Variants in UAP1 observed in about 807,000 individuals in gnomAD.
The protein encoded by UAP1 is UDP-N-acetylglucosamine pyrophosphorylase 1.
A neutral mutation model predicts 58.5 loss-of-function variants in UAP1; 25 were observed. That is an observed-to-expected ratio of 0.43 (90% CI 0.31 to 0.60). The LOEUF (loss-of-function observed/expected upper bound fraction) is 0.60, where lower values mean the gene tolerates loss of function less well. Among genes scored for constraint, UAP1 ranks in the 20% least tolerant of loss-of-function variants. UAP1 has a pLI of 0.11. For missense variants in UAP1, 575 were observed against 630.0 expected (o/e 0.91, Z 0.93); for synonymous variants, 208 against 213.0 (o/e 0.98, Z 0.21).
chr1:162,586,990 T>G (rs895649650), intron 5 of UAP1, among the ~76,000 whole-genome samples: 8 of 152,030 alleles, frequency 5.3e-5, no homozygotes, highest in Admixed American at 1.3e-4. Flanking sequence ...AATGCCAAAA[T>G]TAAAGAAATG....
chr1:162,575,100 G>T (rs1046128728), intron 2 of UAP1, among the ~76,000 whole-genome samples: 4 of 152,064 alleles, frequency 2.6e-5, no homozygotes, highest in South Asian at 4.1e-4. Flanking sequence ...ACAGAGTCCC[G>T]CTGTGTTGCC....
chr1:162,577,024 G>A, intron 3 of UAP1, 43 bp downstream of exon 3: 4 of 1,570,118 alleles, frequency 2.5e-6, no homozygotes, highest in Non-Finnish European at 3.5e-6. Flanking sequence ...AACATATATT[G>A]TTTTATAATA....
rs143190937 is a variant in UAP1 at position 162,575,349 on chromosome 1, G to A, written c.281-1428G>A. Among the ~76,000 whole-genome samples, 433 of 152,262 alleles carry A rather than the reference G, an allele frequency of 2.8e-3. 3 individuals carry two copies. Among genetic ancestry groups the A allele is most frequent in the African/African-American group, 9.8e-3 (408 of 41,548 alleles). On this transcript the variant is annotated intron_variant, in intron 2 of 10. Transcript: ENST00000271469. ...CTTCCAAAGTGCTGGGATTACAGGC[G>A]TGAGCCACTGTGCCCAGCCTACAAA...
chr1:162,596,476 C>T (rs1280313235), intron 9 of UAP1, among the ~76,000 whole-genome samples: 1 of 152,150 alleles, frequency 6.6e-6, no homozygotes, highest in African/African-American at 2.4e-5. Context: ...CACCCAGCCA[C>T]ATTTATTTTT....
At chr1:162,596,279 G>T (rs921387221) in intron 9 of UAP1, among the ~76,000 whole-genome samples, 3 of 151,946 alleles carry the variant, frequency 2.0e-5, no homozygotes, top group African/African-American at 7.3e-5. Context: ...GGGTTCTAGC[G>T]ATTCTCCTGC....
chr1:162,590,570 T>TTC lies in UAP1; in HGVS notation c.1358+79_1358+80dup, dbSNP rs113405147. On this transcript the variant is annotated intron_variant, in intron 8 of 10. Coordinates refer to ENST00000271469, the Ensembl canonical transcript of UAP1. ...CTTTCTTGGACTTTTCCTCTTGGAC[T>TTC]TCTCTCTCTCTCTCTCTCTCTGTAT... 7.4e-3 allele frequency: 9,543 copies of TTC among 1,286,196 alleles called. 229 individuals carry two copies. In the African/African-American group the frequency reaches 0.093, roughly 12 times the overall value. 79.7% of individuals were successfully genotyped at this position (1,286,196 alleles called of 1,614,324 possible). A position where few individuals can be genotyped will look rare whatever the true frequency, so the allele number is the denominator to read the frequency against.
At chr1:162,562,138 T>G (rs1380210695) in intron 1 of UAP1, among the ~76,000 whole-genome samples, 1 of 148,282 alleles carries the variant, frequency 6.7e-6, no homozygotes, top group African/African-American at 2.5e-5. Context: ...TGTAGGCGTG[T>G]GGGGTTGGGA....
intron 2 of UAP1, among the ~76,000 whole-genome samples, chr1:162,574,074 TA>T (rs1283480783): frequency 2.0e-5 from 3 of 151,880 alleles, no homozygotes; most frequent in African/African-American, 7.2e-5. Flanking sequence ...ATAATGGAGT[TA>T]TTTTTTTCTT....
At chr1:162,581,885 TA>T (rs1203772924) in intron 5 of UAP1, among the ~76,000 whole-genome samples, 35 of 152,196 alleles carry the variant, frequency 2.3e-4, no homozygotes, top group Admixed American at 2.3e-3. Flanking sequence ...TTCTTTCGAA[TA>T]AGATAGAAAT....
At chr1:162,595,740 A>G (rs1269102030) in intron 9 of UAP1, among the ~76,000 whole-genome samples, 2 of 152,220 alleles carry the variant, frequency 1.3e-5, no homozygotes, top group Non-Finnish European at 2.9e-5. Flanking sequence ...CATAAAAGTT[A>G]AGTAACATTT....
intron 2 of UAP1, among the ~76,000 whole-genome samples, chr1:162,575,302 C>T (rs938732956): frequency 5.3e-5 from 8 of 151,652 alleles, no homozygotes; most frequent in East Asian, 2.0e-4. Context: ...CTCCTGACCT[C>T]GGGTAATCCT....
chr1:162,580,095 G>C (rs551006591), intron 4 of UAP1, among the ~76,000 whole-genome samples: 28 of 152,198 alleles, frequency 1.8e-4, no homozygotes, highest in Admixed American at 1.4e-3. Flanking sequence ...TCAAACTCCT[G>C]ACCTCAAATG....
At chr1:162,597,676 G>A (rs1416400464) in intron 9 of UAP1, 116 bp from the exon 10 acceptor site, 15 of 773,346 alleles carry the variant, frequency 1.9e-5, no homozygotes, top group Non-Finnish European at 3.0e-5. Context: ...TATTCCATTT[G>A]TTTAACTGGA....
intron 7 of UAP1, 47 bp downstream of exon 7, chr1:162,588,880 G>A (rs992605111): frequency 6.4e-7 from 1 of 1,554,078 alleles, no homozygotes; most frequent in African/African-American, 1.4e-5. Flanking sequence ...GTCTTAAAAT[G>A]CTGCTTTTCA....
chr1:162,564,530 C>T (rs924964286), intron 1 of UAP1, among the ~76,000 whole-genome samples: 1 of 152,226 alleles, frequency 6.6e-6, no homozygotes, highest in African/African-American at 2.4e-5. Flanking sequence ...TCCTTTCACT[C>T]TCATTTTCTC....
At chr1:162,598,417 A>AT (rs1180174310) in intron 10 of UAP1, among the ~76,000 whole-genome samples, 2 of 152,196 alleles carry the variant, frequency 1.3e-5, no homozygotes, top group African/African-American at 4.8e-5. Flanking sequence ...CATCTATCCC[A>AT]TAAGTGGGTT....
intron 2 of UAP1, among the ~76,000 whole-genome samples, chr1:162,573,673 A>G (rs1424439642): frequency 6.6e-6 from 1 of 152,170 alleles, no homozygotes; most frequent in African/African-American, 2.4e-5. Flanking sequence ...TTGAAAAAAT[A>G]GCAGGAATAG....
chr1:162,590,458 T>C, exon 8 of UAP1: 4 of 1,610,780 alleles, frequency 2.5e-6, no homozygotes, highest in Non-Finnish European at 3.4e-6. Context: ...GGGTCCTCAA[T>C]GCAGGGGGCC....
chr1:162,567,346 G>A (rs1571052665), intron 2 of UAP1, among the ~76,000 whole-genome samples: 1 of 152,122 alleles, frequency 6.6e-6, no homozygotes, highest in South Asian at 2.1e-4. Context: ...TGCATGTTAC[G>A]TAGCATTTAG....
Sources: gnomAD v4.1 joint callset for allele counts (sites outside exome capture counted in the v4.1 genomes callset) on GRCh38, gnomAD v4.1.1 for gene constraint, MANE v1.5 for transcripts, NCBI Gene and HGNC (gene_info 2026-07-23, HGNC 2026-07-21) for gene names.